The following ADAMTS6 variants were observed in gnomAD, a reference collection of about 807,000 sequenced individuals.
ADAMTS6 encodes ADAM metallopeptidase with thrombospondin type 1 motif 6.
In ADAMTS6, 23 loss-of-function variants were observed where a neutral mutation model predicts 144.3. The ratio of observed to expected loss-of-function variants is 0.16; its 90% CI spans 0.11 to 0.23. The LOEUF (loss-of-function observed/expected upper bound fraction) is 0.23. ADAMTS6 is among the 10% of genes least tolerant of loss of function. ADAMTS6 has a pLI of 1.00. For synonymous variants in ADAMTS6, 444 were observed against 457.5 expected (o/e 0.97, Z 0.38); for missense variants, 999 against 1,379.6 (o/e 0.72, Z 4.37).
In ADAMTS6 at chr5:65,225,021, T is replaced by C; in HGVS notation, c.2094A>G (p.Gly698=). Residue 698 remains glycine (G), a synonymous_variant, in exon 17 of 25, where the codon GGA becomes GGG. Coordinates refer to ENST00000381055, the MANE Select transcript of ADAMTS6 (RefSeq NM_197941.4). ...CKHVGCDNIL[G]SDAREDRCRV... ...GACATCTATCTTCCCTAGCATCAGA[T>C]CCCAAAATATTATCACAGCCTACGT... 6.2e-7 allele frequency: 1 copy of C among 1,613,918 alleles called. No homozygotes were observed.
chr5:65,301,183 G>T (rs1743338429), intron 9 of ADAMTS6, among the ~76,000 whole-genome samples: 2 of 152,054 alleles, frequency 1.3e-5, no homozygotes, highest in African/African-American at 4.8e-5. Context: ...TTCTGAAAAG[G>T]ATATACCCAC....
intron 11 of ADAMTS6, among the ~76,000 whole-genome samples, chr5:65,278,337 G>T (rs1194684640): frequency 6.6e-6 from 1 of 152,188 alleles, no homozygotes; most frequent in Admixed American, 6.5e-5. Flanking sequence ...TTTCCTTTGG[G>T]TAGATACCCA....
intron 11 of ADAMTS6, among the ~76,000 whole-genome samples, chr5:65,276,308 T>C (rs533436950): frequency 6.6e-6 from 1 of 152,320 alleles, no homozygotes; most frequent in South Asian, 2.1e-4. Flanking sequence ...ACTTCTCTTT[T>C]ACAGTAAAAT....
At chr5:65,469,500 C>T (rs1038592155) in intron 3 of ADAMTS6, among the ~76,000 whole-genome samples, 2 of 152,090 alleles carry the variant, frequency 1.3e-5, no homozygotes, top group Non-Finnish European at 2.9e-5. Flanking sequence ...TTTTAGAACA[C>T]ATTTTGGATA....
Position 65,172,917 on chromosome 5 carries a change from G to C in ADAMTS6, c.3002C>G (p.Pro1001Arg). The C allele has an allele frequency of 6.2e-7, 1 of 1,614,166 alleles. No homozygotes were observed. Among genetic ancestry groups the C allele is most frequent in the South Asian group, 1.1e-5 (1 of 91,080 alleles). ...LSKTFPAAQC[P>R]EESKPPVRIR... ...GCGGACAGGAGGTTTGCTTTCCTCTGGACATTGTGCAGCTGGGAATGTCTT... is the reference window on the plus strand; with the variant it reads ...GCGGACAGGAGGTTTGCTTTCCTCTCGACATTGTGCAGCTGGGAATGTCTT... The change falls in exon 23 of 25, where the codon CCA (proline) becomes CGA (arginine). Residue 1001 changes from proline (P) to arginine (R), a missense_variant. Around this residue, in one of 3 missense-constraint regions of ADAMTS6, gnomAD observed 619 missense variants for 837.0 expected, o/e 0.74. Coordinates refer to ENST00000381055, the MANE Select transcript of ADAMTS6 (RefSeq NM_197941.4).
At chr5:65,393,190 A>C (rs865979754) in intron 7 of ADAMTS6, among the ~76,000 whole-genome samples, 1 of 152,198 alleles carries the variant, frequency 6.6e-6, no homozygotes. Flanking sequence ...TCTAGGCTTA[A>C]AATATTACAT....
At chr5:65,249,217 C>T (rs1377735490) in intron 14 of ADAMTS6, among the ~76,000 whole-genome samples, 2 of 152,124 alleles carry the variant, frequency 1.3e-5, no homozygotes, top group African/African-American at 4.8e-5. Context: ...ACCTGTTGCA[C>T]TAAAGTGTTA....
chr5:65,451,666 A>G, intron 6 of ADAMTS6, 46 bp from the exon 7 acceptor site: 1 of 1,599,328 alleles, frequency 6.3e-7, no homozygotes, highest in Non-Finnish European at 8.5e-7. Context: ...CAAATTACTA[A>G]GGTCAGTTGT....
intron 7 of ADAMTS6, among the ~76,000 whole-genome samples, chr5:65,355,398 A>G (rs767264983): frequency 1.3e-5 from 2 of 151,854 alleles, no homozygotes; most frequent in Non-Finnish European, 3.0e-5. Context: ...CTCAATTCCT[A>G]TGCTATATAG....
chr5:65,227,443 A>G (rs535007517), intron 15 of ADAMTS6, among the ~76,000 whole-genome samples: 3 of 152,364 alleles, frequency 2.0e-5, no homozygotes, highest in Non-Finnish European at 4.4e-5. Flanking sequence ...GACTGAAATC[A>G]TGACTTAAAA....
chr5:65,209,464 T>C (rs1174590660), intron 20 of ADAMTS6, among the ~76,000 whole-genome samples: 1 of 152,154 alleles, frequency 6.6e-6, no homozygotes, highest in Non-Finnish European at 1.5e-5. Flanking sequence ...CCATAGCATC[T>C]CAATGTTCCT....
chr5:65,189,751 A>C (rs1489505317), intron 21 of ADAMTS6, among the ~76,000 whole-genome samples: 1 of 152,262 alleles, frequency 6.6e-6, no homozygotes, highest in African/African-American at 2.4e-5. Flanking sequence ...AAATCGTGAA[A>C]AGAGCAATGA....
intron 4 of ADAMTS6, among the ~76,000 whole-genome samples, chr5:65,455,931 C>G (rs532065785): frequency 1.9e-4 from 29 of 151,988 alleles, no homozygotes; most frequent in Admixed American, 2.0e-4. Context: ...TTGGCTATCA[C>G]TCTAACAAAC....
At chr5:65,363,481 C>T (rs569825013) in intron 7 of ADAMTS6, among the ~76,000 whole-genome samples, 1 of 152,230 alleles carries the variant, frequency 6.6e-6, no homozygotes, top group East Asian at 1.9e-4. Context: ...TTATCATTAA[C>T]ATAAATTTGA....
chr5:65,309,349 T>C (rs1476179652), intron 9 of ADAMTS6, among the ~76,000 whole-genome samples: 1 of 151,512 alleles, frequency 6.6e-6, no homozygotes, highest in Non-Finnish European at 1.5e-5. Context: ...GAGTGGGCAA[T>C]TAAGAACCCT....
At position 65,239,206 on chromosome 5, in the gene ADAMTS6, C is replaced by T. The variant is rs565000249; in HGVS notation, c.1933+2898G>A. 2.2e-4 allele frequency among the ~76,000 whole-genome samples: 33 copies of T among 149,498 alleles called. No homozygotes were observed. In the South Asian group the frequency reaches 6.3e-3, roughly 29 times the overall value. On this transcript the variant is annotated intron_variant, in intron 15 of 24. Transcript: ENST00000381055. ...GGGTGCAGCACACCAACATGGCACA[C>T]GTATACATATGTAACAAACCTGTAC...
At chr5:65,205,614 C>G (rs1298507214) in intron 20 of ADAMTS6, among the ~76,000 whole-genome samples, 2 of 152,138 alleles carry the variant, frequency 1.3e-5, no homozygotes, top group African/African-American at 4.8e-5. Flanking sequence ...GAACAAACAA[C>G]ATTTCCATAG....
Position 65,226,079 on chromosome 5 carries a change from G to A in ADAMTS6, c.2067+7C>T, listed in dbSNP as rs1757699285. On this transcript the variant is annotated splice_region_variant and intron_variant, in intron 16 of 24. Transcript: ENST00000381055. ...ACCCCAACAGAAAGGAGTAAAATCT[G>A]AGCAACCTTGCATTCTCCATTGATG... 2 of 1,599,454 alleles carry A rather than the reference G, an allele frequency of 1.3e-6. No individual in the cohort carries two copies. The highest frequency in any genetic ancestry group is 1.7e-6 in the Non-Finnish European group (2 of 1,171,572).
intron 21 of ADAMTS6, among the ~76,000 whole-genome samples, chr5:65,194,470 T>C (rs901226004): frequency 3.3e-5 from 5 of 152,234 alleles, no homozygotes; most frequent in Admixed American, 2.6e-4. Context: ...TGCACTGGGC[T>C]ATGCTATGAT....
Sources: gnomAD v4.1 joint callset for allele counts (sites outside exome capture counted in the v4.1 genomes callset) on GRCh38, gnomAD v4.1.1 for gene constraint, gnomAD v4.1.1 regional missense constraint, MANE v1.5 for transcripts, NCBI Gene and HGNC (gene_info 2026-07-23, HGNC 2026-07-21) for gene names.